MAN1A2: variants seen among roughly 807,000 people sequenced by gnomAD.
MAN1A2 encodes the protein mannosidase alpha class 1A member 2, also known as mannosyl-oligosaccharide 1,2-alpha-mannosidase IB.
MAN1A2 carries 26 observed loss-of-function variants against 75.7 expected under a neutral mutation model. That is an observed-to-expected ratio of 0.34 (90% CI 0.25 to 0.48). The LOEUF (loss-of-function observed/expected upper bound fraction) is 0.48, where lower values mean the gene tolerates loss of function less well. MAN1A2 is among the 20% of genes least tolerant of loss of function. The pLI is 0.99. For missense variants in MAN1A2, 562 were observed against 775.5 expected (o/e 0.72, Z 3.27); for synonymous variants, 247 against 264.6 (o/e 0.93, Z 0.65).
chr1:117,409,437 A>G (rs988983042), intron 3 of MAN1A2, among the ~76,000 whole-genome samples: 7 of 112,560 alleles, frequency 6.2e-5, no homozygotes, highest in African/African-American at 2.7e-4. Flanking sequence ...TGTACTTCAC[A>G]TAATTTTCAT....
intron 12 of MAN1A2, among the ~76,000 whole-genome samples, chr1:117,516,560 A>C (rs1468952576): frequency 6.6e-6 from 1 of 152,146 alleles, no homozygotes; most frequent in African/African-American, 2.4e-5. Context: ...TGCTTACTCT[A>C]AAGATGGAAC....
intron 1 of MAN1A2, among the ~76,000 whole-genome samples, chr1:117,377,351 C>T (rs1486537785): frequency 1.3e-5 from 2 of 152,196 alleles, no homozygotes; most frequent in African/African-American, 4.8e-5. Flanking sequence ...GCCTCTGGCT[C>T]TTCTTCAGTG....
chr1:117,460,444 C>T lies in MAN1A2; in HGVS notation c.951-45C>T, dbSNP rs765699462. Reference sequence around the variant, plus strand: ...ATATTCATTAAACGAATGTTTTGGTCTTTTCCCAATCCTGTGTCTCCTTTT... The same window carrying T: ...ATATTCATTAAACGAATGTTTTGGTTTTTTCCCAATCCTGTGTCTCCTTTT... On this transcript the variant is annotated intron_variant, in intron 6 of 12. Coordinates refer to ENST00000356554, the MANE Select transcript of MAN1A2 (RefSeq NM_006699.5). The T allele has an allele frequency of 4.8e-6, 7 of 1,473,522 alleles. No individual in the cohort carries two copies. In the Admixed American group the frequency reaches 6.1e-5, roughly 13 times the overall value. The allele number at this position is 1,473,522 out of a possible 1,614,324, so 91.3% of individuals were successfully genotyped here.
At chr1:117,368,690 G>C (rs1328005112) in intron 1 of MAN1A2, among the ~76,000 whole-genome samples, 1 of 152,038 alleles carries the variant, frequency 6.6e-6, no homozygotes, top group Non-Finnish European at 1.5e-5. Context: ...AGACTGGTAG[G>C]ACTGGAGTCC....
At chr1:117,508,271 A>G (rs537208205) in intron 12 of MAN1A2, among the ~76,000 whole-genome samples, 8 of 151,696 alleles carry the variant, frequency 5.3e-5, no homozygotes, top group Admixed American at 2.6e-4. Flanking sequence ...CTGAGTTCAT[A>G]TATATCAGGC....
intron 6 of MAN1A2, among the ~76,000 whole-genome samples, chr1:117,443,782 A>T (rs1250540384): frequency 3.3e-5 from 5 of 152,190 alleles, no homozygotes; most frequent in African/African-American, 1.2e-4. Flanking sequence ...CTTTTTAAGT[A>T]AATTTTTTGC....
chr1:117,494,490 A>G (rs1485123548), intron 9 of MAN1A2: 1 of 152,036 alleles, frequency 6.6e-6, no homozygotes, highest in African/African-American at 2.4e-5. Flanking sequence ...TGTTTTTTTC[A>G]TTAAACCAAG....
intron 8 of MAN1A2, among the ~76,000 whole-genome samples, chr1:117,484,340 C>A (rs775199748): frequency 4.6e-5 from 7 of 151,866 alleles, no homozygotes; most frequent in Non-Finnish European, 1.0e-4. Context: ...ACTACAGTGG[C>A]AAACCTCAAT....
intron 1 of MAN1A2, among the ~76,000 whole-genome samples, chr1:117,375,409 A>G (rs1653102297): frequency 6.6e-6 from 1 of 152,224 alleles, no homozygotes; most frequent in Non-Finnish European, 1.5e-5. Flanking sequence ...CTTTTGGGAC[A>G]AGTTATACAA....
chr1:117,442,438 C>G (rs190627308), intron 6 of MAN1A2, 113 bp downstream of exon 6: 9 of 641,934 alleles, frequency 1.4e-5, no homozygotes, highest in African/African-American at 1.1e-4. Context: ...GTTTTTCTCT[C>G]TATATATAAT....
intron 4 of MAN1A2, among the ~76,000 whole-genome samples, chr1:117,419,560 A>G (rs1296275470): frequency 1.3e-5 from 2 of 152,216 alleles, no homozygotes; most frequent in African/African-American, 2.4e-5. Context: ...GTGCCTGCCT[A>G]TGAATGTTGG....
At position 117,499,511 on chromosome 1, in the gene MAN1A2, C is replaced by T; in HGVS notation, c.1634C>T (p.Thr545Ile). The change falls in exon 11 of 13, where the codon ACT (threonine) becomes ATT (isoleucine). Residue 545 changes from threonine to isoleucine, a missense_variant. Thr to Ile is a moderately conservative substitution (Grantham distance 89). Coordinates refer to ENST00000356554, the MANE Select transcript of MAN1A2 (RefSeq NM_006699.5). ...IETYWYLWRF[T>I]HDPRYRQWGW... ...ACCTATTGGTACCTATGGCGATTCA[C>T]TCACGATCCAAGATACAGGCAGTGG... The T allele has an allele frequency of 6.2e-7, 1 of 1,608,220 alleles. No individual in the cohort carries two copies. Among genetic ancestry groups the T allele is most frequent in the Non-Finnish European group, 8.5e-7 (1 of 1,177,082 alleles).
chr1:117,507,746 T>A (rs1174306676), intron 12 of MAN1A2, among the ~76,000 whole-genome samples: 1 of 151,642 alleles, frequency 6.6e-6, no homozygotes, highest in Non-Finnish European at 1.5e-5. Flanking sequence ...ACATATGAAC[T>A]TGTTTAAAGA....
intron 7 of MAN1A2, among the ~76,000 whole-genome samples, chr1:117,461,254 G>A (rs749750077): frequency 2.6e-5 from 4 of 152,118 alleles, no homozygotes; most frequent in Non-Finnish European, 4.4e-5. Flanking sequence ...CAGCAATATG[G>A]ATGGAACTGC....
At chr1:117,409,956 AT>A (rs1407073397) in intron 3 of MAN1A2, among the ~76,000 whole-genome samples, 37 of 151,986 alleles carry the variant, frequency 2.4e-4, no homozygotes, top group Non-Finnish European at 8.8e-5. Context: ...ACTCCAGAGA[AT>A]ACCAAAATCC....
chr1:117,486,587 AAG>A (rs1183801584), intron 8 of MAN1A2, among the ~76,000 whole-genome samples: 2 of 152,024 alleles, frequency 1.3e-5, no homozygotes, highest in East Asian at 1.9e-4. Flanking sequence ...AGAATGAAAA[AAG>A]AGTTCAGATT....
At chr1:117,388,371 T>C (rs1653610997) in intron 1 of MAN1A2, among the ~76,000 whole-genome samples, 2 of 152,178 alleles carry the variant, frequency 1.3e-5, no homozygotes. Context: ...TGTATTAGGC[T>C]GTTCTTGCAT....
intron 12 of MAN1A2, among the ~76,000 whole-genome samples, chr1:117,508,020 C>T (rs1345096786): frequency 6.6e-6 from 1 of 151,618 alleles, no homozygotes; most frequent in Non-Finnish European, 1.5e-5. Flanking sequence ...TGAATATCTC[C>T]CACGTGGATT....
intron 8 of MAN1A2, among the ~76,000 whole-genome samples, chr1:117,469,253 A>C (rs1650067375): frequency 6.6e-6 from 1 of 152,160 alleles, no homozygotes; most frequent in Non-Finnish European, 1.5e-5. Flanking sequence ...CTGGATAGCC[A>C]TGTGAAAAAT....
Sources: gnomAD v4.1 joint callset for allele counts (sites outside exome capture counted in the v4.1 genomes callset) on GRCh38, gnomAD v4.1.1 for gene constraint, MANE v1.5 for transcripts, NCBI Gene and HGNC (gene_info 2026-07-23, HGNC 2026-07-21) for gene names.